IL17RD: variants seen among roughly 807,000 people sequenced by gnomAD.
IL17RD encodes the protein interleukin 17 receptor D.
IL17RD carries 52 observed loss-of-function variants against 80.5 expected under a neutral mutation model. The ratio of observed to expected loss-of-function variants is 0.65; its 90% confidence interval spans 0.52 to 0.81. The LOEUF is 0.81. IL17RD is among the 40% of genes least tolerant of loss of function. The pLI, the probability that IL17RD is intolerant of heterozygous loss-of-function variation, is 0.00. For missense variants in IL17RD, 1,024 were observed against 955.1 expected, an observed-to-expected ratio of 1.07 and a Z score of -0.95; for synonymous variants, 416 against 391.8, an observed-to-expected ratio of 1.06 and a Z score of -0.73.
At chr3:57,130,819 T>C (rs770976190) in intron 1 of IL17RD, among the ~76,000 whole-genome samples, 1 of 152,170 alleles carries the variant, frequency 6.6e-6, no homozygotes, top group African/African-American at 2.4e-5. Context: ...TGTCAGTATG[T>C]GTGCCCAGCC....
intron 1 of IL17RD, among the ~76,000 whole-genome samples, chr3:57,163,798 G>T (rs1257487588): frequency 8.6e-6 from 1 of 116,632 alleles, no homozygotes; most frequent in African/African-American, 3.2e-5. Flanking sequence ...GGGGGCGGGG[G>T]GGGAAGGGGG....
At chr3:57,128,011 C>T (rs534467363) in intron 1 of IL17RD, among the ~76,000 whole-genome samples, 3 of 152,262 alleles carry the variant, frequency 2.0e-5, no homozygotes, top group African/African-American at 4.8e-5. Flanking sequence ...GAACGCAAAA[C>T]GCAGGGAAAA....
intron 1 of IL17RD, among the ~76,000 whole-genome samples, chr3:57,148,098 G>A (rs377488251): frequency 0.049 from 5,581 of 112,824 alleles, 1,408 homozygotes; most frequent in East Asian, 0.3. Flanking sequence ...TGGGGGGGGG[G>A]GGGGGGCGAT....
intron 2 of IL17RD, among the ~76,000 whole-genome samples, chr3:57,115,510 T>C (rs1158810460): frequency 6.6e-6 from 1 of 152,198 alleles, no homozygotes; most frequent in Non-Finnish European, 1.5e-5. Flanking sequence ...CTGAGGAGTT[T>C]ACTCACTGCC....
chr3:57,103,382 T>C lies in IL17RD; in HGVS notation c.814-237A>G, dbSNP rs145239764. Among the ~76,000 whole-genome samples the C allele has an allele frequency of 2.4e-3, 366 of 152,322 alleles. 1 individual carries two copies. The highest frequency in any genetic ancestry group is 4.8e-3 in the Admixed American group (73 of 15,294). On this transcript the variant is annotated intron_variant, in intron 8 of 12. Transcript: ENST00000296318. ...ACTCTAAGTTCATCATGTTTTCTTTTATTAATCAAAAGGCTGTGTATTCAT... is the reference window on the plus strand; with the variant it reads ...ACTCTAAGTTCATCATGTTTTCTTTCATTAATCAAAAGGCTGTGTATTCAT...
At chr3:57,125,659 C>T (rs1419145471) in intron 1 of IL17RD, among the ~76,000 whole-genome samples, 2 of 152,160 alleles carry the variant, frequency 1.3e-5, no homozygotes, top group Non-Finnish European at 2.9e-5. Flanking sequence ...TCTTCTGCAT[C>T]CAGAACCTTG....
At position 57,109,437 on chromosome 3, in the gene IL17RD, GC is replaced by G. The variant is rs554280412; in HGVS notation, c.550+99del. The G allele has an allele frequency of 5.0e-4, 678 of 1,349,156 alleles. 1 individual carries two copies. The African/African-American group carries it at 9.1e-3, about 18-fold the overall frequency. 83.6% of individuals were successfully genotyped at this position (1,349,156 alleles called of 1,614,324 possible). Reference sequence around the variant, plus strand: ...TGGGATTAGAGGTGTGAGCCACCGCGCCCGGCCTTGGCACGTTCTTGAACAC... The same window carrying G: ...TGGGATTAGAGGTGTGAGCCACCGCGCCGGCCTTGGCACGTTCTTGAACAC... On this transcript the variant is annotated intron_variant, in intron 5 of 12. Coordinates refer to ENST00000296318, the MANE Select transcript of IL17RD (RefSeq NM_017563.5).
rs1004431256 is a variant in IL17RD at position 57,110,406 on chromosome 3, C to A, written c.311-95G>T. 51 of 1,357,420 alleles carry A rather than the reference C, an allele frequency of 3.8e-5. No homozygotes were observed. The African/African-American group carries it at 6.4e-4, about 17-fold the overall frequency. 84.1% of individuals were successfully genotyped at this position (1,357,420 alleles called of 1,614,324 possible). A position where few individuals can be genotyped will look rare whatever the true frequency, so the allele number is the denominator to read the frequency against. ...GATTACCATCTTCTCTACCTACACA[C>A]CAGAGTTAAAGGAATTCTAACTGTG... On this transcript the variant is annotated intron_variant, in intron 3 of 12. Coordinates refer to ENST00000296318, the MANE Select transcript of IL17RD (RefSeq NM_017563.5).
rs752795650 is a variant in IL17RD, at chr3:57,098,238, G to A, written c.1465C>T (p.Pro489Ser). 1.9e-6 allele frequency: 3 copies of A among 1,613,780 alleles called. No individual in the cohort carries two copies. Among genetic ancestry groups the A allele is most frequent in the Non-Finnish European group, 2.5e-6 (3 of 1,179,864 alleles). The change falls in exon 12 of 13, where the codon CCC (proline) becomes TCC (serine). Residue 489 changes from proline (P) to serine (S), a missense_variant. Physicochemically the swap from Pro to Ser is moderately conservative, Grantham distance 74. Transcript: ENST00000296318. ...YFDYSCEGDV[P>S]GILDLSTKYR... ...TTGGTACTCAGGTCTAGGATACCGG[G>A]GACGTCTCCCTCGCAGGAATAATCA...
chr3:57,165,520 G>GC (rs1240645802), upstream of IL17RD: 317 of 175,618 alleles, frequency 1.8e-3, 2 homozygotes, highest in East Asian at 8.2e-3. Flanking sequence ...CTCTGGTCAC[G>GC]CCCCCCAAGC....
chr3:57,165,227 G>A lies in IL17RD; in HGVS notation c.60C>T (p.Gly20=), dbSNP rs537487071. ...VFFTVNACLN[G]SQLAVAAGGS... is the part of the protein sequence containing the mutation. ...CGCCAGCGGCCACAGCCAGCTGCGA[G>A]CCGTTGAGGCAGGCGTTGACCGTAA... Residue 20 remains glycine (G), a synonymous_variant, in exon 1 of 13, where the codon GGC becomes GGT. Transcript: ENST00000296318. 1.3e-6 allele frequency: 2 copies of A among 1,531,822 alleles called. No homozygotes were observed. The highest frequency in any genetic ancestry group is 1.8e-6 in the Non-Finnish European group (2 of 1,139,584). 94.9% of individuals were successfully genotyped at this position (1,531,822 alleles called of 1,614,324 possible). A position where few individuals can be genotyped will look rare whatever the true frequency, so the allele number is the denominator to read the frequency against.
At chr3:57,100,339 C>T (rs1706799238) in intron 11 of IL17RD, among the ~76,000 whole-genome samples, 1 of 152,170 alleles carries the variant, frequency 6.6e-6, no homozygotes, top group African/African-American at 2.4e-5. Flanking sequence ...TGCCAATGGG[C>T]AGTTTCAAAG....
At chr3:57,104,586 T>G (rs1254874066) in intron 7 of IL17RD, among the ~76,000 whole-genome samples, 179 bp from the exon 8 acceptor site, 2 of 152,296 alleles carry the variant, frequency 1.3e-5, no homozygotes, top group South Asian at 4.1e-4. Context: ...AACTTCCCTT[T>G]GATAAAAGGC....
In IL17RD at chr3:57,094,182, C is replaced by T. The variant is rs138120142; in HGVS notation, c.*2211G>A. 2.0e-5 allele frequency: 3 copies of T among 152,270 alleles called. No homozygotes were observed. The highest frequency in any genetic ancestry group is 1.9e-4 in the East Asian group (1 of 5,184). 9.4% of individuals were successfully genotyped at this position (152,270 alleles called of 1,614,324 possible). The stretch of plus-strand genomic sequence containing the variant: ...TGTTTTGCCGTAATCTGCAGGGCAA[C>T]GATTCCCATTTCTAGCATACTGGGG... On this transcript the variant is annotated 3_prime_UTR_variant, in exon 13 of 13. Transcript: ENST00000296318.
chr3:57,102,501 C>A lies in IL17RD; in HGVS notation c.957G>T (p.Val319=). 1 of 1,572,196 alleles carries A rather than the reference C, an allele frequency of 6.4e-7. No homozygotes were observed. Residue 319 remains valine, a synonymous_variant, in exon 10 of 13, where the codon GTG becomes GTT. Coordinates refer to ENST00000296318, the MANE Select transcript of IL17RD (RefSeq NM_017563.5). ...VISAFATLFT[V]MCRKKQQENI... Reference sequence around the variant, plus strand: ...TACCTTGTTGCTTCTTGCGGCACATCACAGTGAAGAGCGTCGCGAATGCCG... The same window carrying A: ...TACCTTGTTGCTTCTTGCGGCACATAACAGTGAAGAGCGTCGCGAATGCCG...
intron 5 of IL17RD, 46 bp downstream of exon 5, chr3:57,109,491 G>T (rs761434415): frequency 6.3e-7 from 1 of 1,588,230 alleles, no homozygotes; most frequent in East Asian, 2.2e-5. Context: ...ATTAAAAGCG[G>T]AGAAAAGTCT....
intron 1 of IL17RD, among the ~76,000 whole-genome samples, chr3:57,146,979 T>C (rs898998668): frequency 2.7e-5 from 4 of 145,462 alleles, no homozygotes; most frequent in Non-Finnish European, 4.5e-5. Flanking sequence ...CCAACAACCA[T>C]GCCCGGCTAA....
intron 1 of IL17RD, among the ~76,000 whole-genome samples, chr3:57,155,615 G>C (rs1214260786): frequency 6.6e-6 from 1 of 152,084 alleles, no homozygotes; most frequent in African/African-American, 2.4e-5. Flanking sequence ...TTTTGAGACG[G>C]AGTCTCGCTG....
intron 1 of IL17RD, among the ~76,000 whole-genome samples, chr3:57,156,407 T>C (rs2060267237): frequency 6.6e-6 from 1 of 151,854 alleles, no homozygotes; most frequent in Non-Finnish European, 1.5e-5. Flanking sequence ...CTACAAAAAA[T>C]GTAAAAAATT....
Sources: allele counts gnomAD v4.1 joint callset (sites outside exome capture counted in the v4.1 genomes callset), GRCh38; gene constraint gnomAD v4.1.1; transcripts MANE v1.5; gene names NCBI Gene and HGNC (gene_info 2026-07-23, HGNC 2026-07-21).